KRT7: variants seen among roughly 807,000 people sequenced by gnomAD.
KRT7 encodes the protein keratin 7.
In KRT7, 50 loss-of-function variants were observed where a neutral mutation model predicts 42.8. That is an observed-to-expected ratio of 1.17 (90% CI 0.93 to 1.48). The LOEUF (loss-of-function observed/expected upper bound fraction) is 1.48, where lower values mean the gene tolerates loss of function less well. KRT7 is among the 40% of genes most tolerant of loss of function. The pLI is 0.00. For synonymous variants in KRT7, 268 were observed against 266.3 expected (o/e 1.01, Z -0.06); for missense variants, 588 against 637.6 (o/e 0.92, Z 0.84).
At chr12:52,251,006 G>A (rs923709540), downstream of KRT7, among the ~76,000 whole-genome samples, 15 of 152,134 alleles carry the variant, frequency 9.9e-5, no homozygotes, top group African/African-American at 3.1e-4. Context: ...TTGAGACGGA[G>A]TCTCTCTCTA....
rs2078201 is a variant in KRT7 at position 52,241,457 on chromosome 12, G to C, written c.694-15G>C. The stretch of plus-strand genomic sequence containing the variant: ...ATCCTGCCCTAAGTCCTGATGTCCC[G>C]TCTGGTCCCTACAGGAGTTGACAGA... On this transcript the variant is annotated splice_polypyrimidine_tract_variant and intron_variant, in intron 4 of 8. Transcript: ENST00000331817. The C allele has an allele frequency of 0.072, 115,371 of 1,597,498 alleles. 9,671 individuals carry two copies. The highest frequency in any genetic ancestry group is 0.42 in the East Asian group (18,838 of 44,338).
At chr12:52,254,128 A>ACTT (rs1381076760), downstream of KRT7, 2 of 428,610 alleles carry the variant, frequency 4.7e-6, no homozygotes, top group Non-Finnish European at 8.9e-6. Flanking sequence ...GTCAAGCCAC[A>ACTT]CTTCTTCACC....
At chr12:52,250,547 G>T, downstream of KRT7, 1 of 1,180,670 alleles carries the variant, frequency 8.5e-7, no homozygotes, top group Non-Finnish European at 1.2e-6. Flanking sequence ...CCACGTTCCC[G>T]CTGCAGGGGG....
At chr12:52,243,314 G>A (rs2121093632) in intron 6 of KRT7, 177 bp downstream of exon 6, 2 of 705,304 alleles carry the variant, frequency 2.8e-6, no homozygotes, top group Non-Finnish European at 4.5e-6. Flanking sequence ...GTCCTGGCAT[G>A]GGCTGATGGG....
At chr12:52,254,241 G>T (rs1032236487), downstream of KRT7, 1 of 749,460 alleles carries the variant, frequency 1.3e-6, no homozygotes, top group South Asian at 1.3e-5. Context: ...TATCCTCCTT[G>T]CTGCCCCGCT....
In KRT7 at chr12:52,243,003, C is replaced by T; in HGVS notation, c.859-9C>T. 1 of 1,609,366 alleles carries T rather than the reference C, an allele frequency of 6.2e-7. No homozygotes were observed. The highest frequency in any genetic ancestry group is 8.5e-7 in the Non-Finnish European group (1 of 1,177,684). On this transcript the variant is annotated splice_polypyrimidine_tract_variant and intron_variant, in intron 5 of 8. Transcript: ENST00000331817. ...CTCTCTGCCATAACTCTCTGTATGGCCCCTCCAGTTTGAGACCCTCCAGGC... is the reference window on the plus strand; with the variant it reads ...CTCTCTGCCATAACTCTCTGTATGGTCCCTCCAGTTTGAGACCCTCCAGGC...
chr12:52,233,705 C>A, intron 1 of KRT7, 85 bp downstream of exon 1: 1 of 1,386,674 alleles, frequency 7.2e-7, no homozygotes, highest in Non-Finnish European at 1.0e-6. Flanking sequence ...GCGCGCGGGC[C>A]AGGCGCTGGG....
At chr12:52,253,590 G>A, downstream of KRT7, 1 of 1,591,824 alleles carries the variant, frequency 6.3e-7, no homozygotes, top group Non-Finnish European at 8.6e-7. Flanking sequence ...CAGGTGTCCT[G>A]TGCCACTCAC....
At chr12:52,242,225 G>A (rs576900950) in intron 5 of KRT7, among the ~76,000 whole-genome samples, 37 of 152,166 alleles carry the variant, frequency 2.4e-4, no homozygotes, top group Non-Finnish European at 4.6e-4. Context: ...CACCTGCCTC[G>A]GCCTCCCAAA....
chr12:52,250,371 C>T (rs80060920), downstream of KRT7: 2,774 of 367,342 alleles, frequency 7.6e-3, 70 homozygotes, highest in African/African-American at 0.057. Context: ...CCCCGAAGCC[C>T]TCCTTCCCCA....
downstream of KRT7, among the ~76,000 whole-genome samples, chr12:52,249,621 G>C (rs1005009643): frequency 2.6e-5 from 4 of 152,168 alleles, no homozygotes; most frequent in African/African-American, 7.2e-5. Flanking sequence ...CCGACACACA[G>C]GTCTGTGTGT....
downstream of KRT7, among the ~76,000 whole-genome samples, chr12:52,254,009 G>C (rs1255876304): frequency 6.6e-6 from 1 of 152,154 alleles, no homozygotes; most frequent in Non-Finnish European, 1.5e-5. Context: ...ATTTTAATCA[G>C]GACCTTCCAG....
chr12:52,233,552 C>A lies in KRT7; in HGVS notation c.256C>A (p.Arg86=), dbSNP rs1330607670. Residue 86 remains arginine, a synonymous_variant, in exon 1 of 9, where the codon CGG becomes AGG. Coordinates refer to ENST00000331817, the MANE Select transcript of KRT7 (RefSeq NM_005556.4). ...LRLDADPSLQ[R]VRQEESEQIK... ...GCTGGACGCCGACCCCTCCCTCCAG[C>A]GGGTGCGCCAGGAGGAGAGCGAGCA... 2 of 1,613,234 alleles carry A rather than the reference C, an allele frequency of 1.2e-6. No individual in the cohort carries two copies. Among genetic ancestry groups the A allele is most frequent in the Non-Finnish European group, 1.7e-6 (2 of 1,179,818 alleles).
downstream of KRT7, chr12:52,252,315 G>T: frequency 6.2e-7 from 1 of 1,614,024 alleles, no homozygotes; most frequent in Non-Finnish European, 8.5e-7. Context: ...CAAAGTCCAG[G>T]CCAGCTTGGA....
Position 52,245,180 on chromosome 12 carries a change from AG to A in KRT7, c.985-229del, listed in dbSNP as rs1942149902. ...AGAAAAGAGGGGACTTTGGCTTAGC[AG>A]GGTTGATTCATCCATGGTCACACAG... is the stretch of plus-strand genomic sequence containing the variant. On this transcript the variant is annotated intron_variant, in intron 6 of 8. Transcript: ENST00000331817. 6 of 574,386 alleles carry A rather than the reference AG, an allele frequency of 1.0e-5. No homozygotes were observed. The Admixed American group carries it at 2.0e-4, about 19-fold the overall frequency. 35.6% of individuals were successfully genotyped at this position (574,386 alleles called of 1,614,324 possible). A position where few individuals can be genotyped will look rare whatever the true frequency, so the allele number is the denominator to read the frequency against.
intron 3 of KRT7, among the ~76,000 whole-genome samples, chr12:52,238,366 T>C (rs1942038474): frequency 6.6e-6 from 1 of 152,240 alleles, no homozygotes; most frequent in Non-Finnish European, 1.5e-5. Context: ...TGAAGTGATT[T>C]GTTCCAGGTC....
downstream of KRT7, chr12:52,255,226 C>T (rs900723685): frequency 5.1e-6 from 2 of 395,316 alleles, no homozygotes; most frequent in Non-Finnish European, 5.1e-6. Flanking sequence ...AGTCCCTCCA[C>T]CTCTCCGAAC....
chr12:52,253,910 C>G, downstream of KRT7: 1 of 401,772 alleles, frequency 2.5e-6, no homozygotes, highest in Non-Finnish European at 5.0e-6. Context: ...CCACCTCAAC[C>G]CTGGGACCCC....
At chr12:52,251,780 C>A (rs551949993), downstream of KRT7, 35 of 356,574 alleles carry the variant, frequency 9.8e-5, no homozygotes, top group African/African-American at 6.8e-4. Flanking sequence ...CTTTTAGAGT[C>A]TGCAAACTAC....
Sources: allele counts gnomAD v4.1 joint callset (sites outside exome capture counted in the v4.1 genomes callset), GRCh38; gene constraint gnomAD v4.1.1; transcripts MANE v1.5; gene names NCBI Gene and HGNC (gene_info 2026-07-23, HGNC 2026-07-21).